The following GPR32 variants were observed in gnomAD, a reference collection of about 807,000 sequenced individuals.
GPR32 encodes the protein probable G protein-coupled receptor 32.
For synonymous variants in GPR32, 215 were observed against 195.3 expected (o/e 1.10, Z -0.84); for missense variants, 433 against 454.1 (o/e 0.95, Z 0.42).
At position 50,770,647 on chromosome 19, in the gene GPR32, C is replaced by A. The variant is rs374490694; in HGVS notation, c.47C>A (p.Pro16His). 2.5e-6 allele frequency: 4 copies of A among 1,611,900 alleles called. No individual in the cohort carries two copies. The highest frequency in any genetic ancestry group is 3.4e-6 in the Non-Finnish European group (4 of 1,178,810). The part of the protein sequence containing the change: ...EGTRGCSDRQ[P>H]GVLTRDRSCS... ...ACCAGAGGCTGCAGTGACAGGCAAC[C>A]TGGGGTCCTGACACGTGATCGCTCT... Residue 16 changes from proline to histidine, a missense_variant, in exon 1 of 1, where the codon CCT (proline) becomes CAT (histidine). Coordinates refer to ENST00000270590, the MANE Select transcript of GPR32 (RefSeq NM_001506.2).
rs192426883 is a variant in GPR32, at chr19:50,770,629, G to C, written c.29G>C (p.Gly10Ala). ...AATGGGGTCTCGGAGGGGACCAGAG[G>C]CTGCAGTGACAGGCAACCTGGGGTC... The part of the protein sequence containing the change: MNGVSEGTR[G>A]CSDRQPGVLT... Residue 10 changes from glycine to alanine, a missense_variant, in exon 1 of 1, where the codon GGC becomes GCC. Gly to Ala is a moderately conservative substitution (Grantham distance 60, BLOSUM62 0). Transcript: ENST00000270590. 2.3e-4 allele frequency: 362 copies of C among 1,607,308 alleles called. 1 individual carries two copies. The East Asian group carries it at 6.6e-3, about 29-fold the overall frequency.
In GPR32 at chr19:50,770,837, C is replaced by G; in HGVS notation, c.237C>G (p.Val79=). 1.2e-6 allele frequency: 2 copies of G among 1,614,218 alleles called. No individual in the cohort carries two copies. The highest frequency in any genetic ancestry group is 1.7e-6 in the Non-Finnish European group (2 of 1,180,040). The part of the protein sequence containing the change: ...VFRMARTVST[V]CFFHLALADF... ...GTATGGCACGCACGGTCTCCACCGT[C>G]TGCTTCTTCCACCTGGCCCTTGCCG... Residue 79 remains valine (V), a synonymous_variant, in exon 1 of 1, where the codon GTC becomes GTG. Transcript: ENST00000270590.
Position 50,770,950 on chromosome 19 carries a change from A to G in GPR32, c.350A>G (p.Tyr117Cys), listed in dbSNP as rs1022493915. 5 of 1,613,736 alleles carry G rather than the reference A, an allele frequency of 3.1e-6. No individual in the cohort carries two copies. The highest frequency in any genetic ancestry group is 3.3e-5 in the Admixed American group (2 of 59,982). ...CTCGGAGAGTGGGCCTGCAAACTCT[A>G]CATCACCTTTGTGTTCCTCAGCTAC... ...WLLGEWACKL[Y>C]ITFVFLSYFA... is the part of the protein sequence containing the mutation. Residue 117 changes from tyrosine (Y) to cysteine (C), a missense_variant, in exon 1 of 1, where the codon TAC becomes TGC. Tyr to Cys is a radical substitution (Grantham distance 194). Coordinates refer to ENST00000270590, the MANE Select transcript of GPR32 (RefSeq NM_001506.2).
rs1368363576 is a variant in GPR32, at chr19:50,771,223, G to T, written c.623G>T (p.Gly208Val). Reference sequence around the variant, plus strand: ...GAGACTGCCCAGATTTGGATTGAAGGGGTCGTGGAGGGACACATTATAGGG... The same window carrying T: ...GAGACTGCCCAGATTTGGATTGAAGTGGTCGTGGAGGGACACATTATAGGG... ...DNETAQIWIE[G>V]VVEGHIIGTI... Residue 208 changes from glycine (G) to valine (V), a missense_variant, in exon 1 of 1, where the codon GGG (glycine) becomes GTG (valine). Physicochemically the swap from Gly to Val is moderately radical, Grantham distance 109. Coordinates refer to ENST00000270590, the MANE Select transcript of GPR32 (RefSeq NM_001506.2). 9 of 1,614,052 alleles carry T rather than the reference G, an allele frequency of 5.6e-6. No homozygotes were observed. The African/African-American group carries it at 1.1e-4, about 19-fold the overall frequency.
chr19:50,771,395 C>G lies in GPR32; in HGVS notation c.795C>G (p.Phe265Leu). Residue 265 changes from phenylalanine to leucine, a missense_variant, in exon 1 of 1, where the codon TTC becomes TTG. Transcript: ENST00000270590. ...TGCTGCTGGTGCTGGTGAGCGCTTTCTTTATCTTCTGGTCCCCGTTTAACG... is the reference window on the plus strand; with the variant it reads ...TGCTGCTGGTGCTGGTGAGCGCTTTGTTTATCTTCTGGTCCCCGTTTAACG... ...KRLLLVLVSA[F>L]FIFWSPFNVV... The G allele has an allele frequency of 6.2e-7, 1 of 1,614,164 alleles. No individual in the cohort carries two copies.
At position 50,770,608 on chromosome 19, in the gene GPR32, G is replaced by C. The variant is rs753068041; in HGVS notation, c.8G>C (p.Gly3Ala). 6 of 1,559,524 alleles carry C rather than the reference G, an allele frequency of 3.8e-6. No individual in the cohort carries two copies. The South Asian group carries it at 7.1e-5, about 18-fold the overall frequency. Reference sequence around the variant, plus strand: ...TTATGGAATGGAGAAATCATGAATGGGGTCTCGGAGGGGACCAGAGGCTGC... The same window carrying C: ...TTATGGAATGGAGAAATCATGAATGCGGTCTCGGAGGGGACCAGAGGCTGC... The part of the protein sequence containing the change: MN[G>A]VSEGTRGCSD... The change falls in exon 1 of 1, where the codon GGG (glycine) becomes GCG (alanine). Residue 3 changes from glycine to alanine, a missense_variant. Gly to Ala is a moderately conservative substitution (Grantham distance 60, BLOSUM62 0). Coordinates refer to ENST00000270590, the MANE Select transcript of GPR32 (RefSeq NM_001506.2).
At position 50,771,128 on chromosome 19, in the gene GPR32, C is replaced by T. The variant is rs776735882; in HGVS notation, c.528C>T (p.His176=). The T allele has an allele frequency of 6.2e-7, 1 of 1,614,102 alleles. No homozygotes were observed. The highest frequency in any genetic ancestry group is 8.5e-7 in the Non-Finnish European group (1 of 1,180,058). The change falls in exon 1 of 1, where the codon CAC becomes CAT. Residue 176 remains histidine (H), a synonymous_variant. Coordinates refer to ENST00000270590, the MANE Select transcript of GPR32 (RefSeq NM_001506.2). ...WLLAAALCSA[H]LKFRTTRKWN... is the part of the protein sequence containing the mutation. ...TGGCCGCCGCCTTGTGCTCTGCGCACCTGAAATTCCGGACAACCAGAAAAT... is the reference window on the plus strand; with the variant it reads ...TGGCCGCCGCCTTGTGCTCTGCGCATCTGAAATTCCGGACAACCAGAAAAT...
At position 50,770,556 on chromosome 19, in the gene GPR32, A is replaced by G; in HGVS notation, c.-45A>G. 7.9e-7 allele frequency: 1 copy of G among 1,259,118 alleles called. No individual in the cohort carries two copies. The highest frequency in any genetic ancestry group is 1.1e-6 in the Non-Finnish European group (1 of 909,424). 78.0% of individuals were successfully genotyped at this position (1,259,118 alleles called of 1,614,324 possible). The stretch of plus-strand genomic sequence containing the variant: ...AGAGCATGACGCTGTCTCTAAAAGA[A>G]TAATAATAATAAGCATTCCATAAAA... On this transcript the variant is annotated 5_prime_UTR_variant, in exon 1 of 1. Coordinates refer to ENST00000270590, the MANE Select transcript of GPR32 (RefSeq NM_001506.2).
At position 50,770,824 on chromosome 19, in the gene GPR32, C is replaced by T. The variant is rs778498523; in HGVS notation, c.224C>T (p.Thr75Met). Reference protein sequence around the residue: ...LWMTVFRMARTVSTVCFFHLA... With the variant: ...LWMTVFRMARMVSTVCFFHLA... ...ATGACTGTCTTCCGTATGGCACGCA[C>T]GGTCTCCACCGTCTGCTTCTTCCAC... Residue 75 changes from threonine to methionine, a missense_variant, in exon 1 of 1, where the codon ACG (threonine) becomes ATG (methionine). Thr to Met is a moderately conservative substitution (Grantham distance 81). Transcript: ENST00000270590. The T allele has an allele frequency of 1.9e-6, 3 of 1,614,148 alleles. No homozygotes were observed. The highest frequency in any genetic ancestry group is 2.2e-5 in the South Asian group (2 of 91,064).
chr19:50,771,613 C>G lies in GPR32; in HGVS notation c.1013C>G (p.Ala338Gly), dbSNP rs750570773. 1 of 1,613,982 alleles carries G rather than the reference C, an allele frequency of 6.2e-7. No homozygotes were observed. The highest frequency in any genetic ancestry group is 8.5e-7 in the Non-Finnish European group (1 of 1,179,996). Residue 338 changes from alanine (A) to glycine (G), a missense_variant, in exon 1 of 1, where the codon GCG becomes GGG. Ala to Gly is a moderately conservative substitution (Grantham distance 60). Transcript: ENST00000270590. ...TCTTTGACTTCTGCCCTGGCGAGGG[C>G]GTTTGGAGAGGAGGAGTTTCTGTCA... ...FQSLTSALAR[A>G]FGEEEFLSSC...
Position 50,771,038 on chromosome 19 carries a change from C to A in GPR32, c.438C>A (p.Pro146=), listed in dbSNP as rs143841096. Residue 146 remains proline, a synonymous_variant, in exon 1 of 1, where the codon CCC becomes CCA. Transcript: ENST00000270590. ...SVDRCISVLY[P]VWALNHRTVQ... ...ACCGTTGCATCTCTGTCCTCTACCC[C>A]GTCTGGGCCCTGAACCACCGCACTG... 3 of 1,614,030 alleles carry A rather than the reference C, an allele frequency of 1.9e-6. No homozygotes were observed. The highest frequency in any genetic ancestry group is 2.5e-6 in the Non-Finnish European group (3 of 1,180,044).
chr19:50,770,684 G>T lies in GPR32; in HGVS notation c.84G>T (p.Lys28Asn), dbSNP rs774033486. The T allele has an allele frequency of 6.2e-7, 1 of 1,614,038 alleles. No homozygotes were observed. The highest frequency in any genetic ancestry group is 1.3e-5 in the African/African-American group (1 of 74,934). The change falls in exon 1 of 1, where the codon AAG (lysine) becomes AAT (asparagine). Residue 28 changes from lysine to asparagine, a missense_variant. By Grantham distance (94) the Lys-to-Asn change is moderately conservative. Transcript: ENST00000270590. ...VLTRDRSCSRKMNSSGCLSEE... is the reference protein window; with the variant it reads ...VLTRDRSCSRNMNSSGCLSEE... ...CACGTGATCGCTCTTGTTCCAGGAA[G>T]ATGAACTCTTCCGGATGCCTGTCTG...
chr19:50,771,351 G>A lies in GPR32; in HGVS notation c.751G>A (p.Ala251Thr). ...AKLLREGWVH[A>T]NRPKRLLLVL... The stretch of plus-strand genomic sequence containing the variant: ...GCTCTTGCGGGAGGGCTGGGTCCAT[G>A]CCAACCGGCCCAAGAGGCTGCTGCT... Residue 251 changes from alanine to threonine, a missense_variant, in exon 1 of 1, where the codon GCC becomes ACC. By Grantham distance (58) the Ala-to-Thr change is moderately conservative (BLOSUM62 0). Transcript: ENST00000270590. 1 of 1,614,164 alleles carries A rather than the reference G, an allele frequency of 6.2e-7. No homozygotes were observed. The highest frequency in any genetic ancestry group is 8.5e-7 in the Non-Finnish European group (1 of 1,180,040).
At position 50,770,727 on chromosome 19, in the gene GPR32, C is replaced by T. The variant is rs747829098; in HGVS notation, c.127C>T (p.Arg43Cys). Residue 43 changes from arginine (R) to cysteine (C), a missense_variant, in exon 1 of 1, where the codon CGC becomes TGC. By Grantham distance (180) the Arg-to-Cys change is radical (BLOSUM62 -3). Coordinates refer to ENST00000270590, the MANE Select transcript of GPR32 (RefSeq NM_001506.2). ...GCLSEEVGSL[R>C]PLTVVILSAS... Reference sequence around the variant, plus strand: ...CCTGTCTGAGGAGGTGGGGTCCCTCCGCCCACTGACTGTGGTTATCCTGTC... The same window carrying T: ...CCTGTCTGAGGAGGTGGGGTCCCTCTGCCCACTGACTGTGGTTATCCTGTC... 2.5e-6 allele frequency: 4 copies of T among 1,614,026 alleles called. No individual in the cohort carries two copies. The highest frequency in any genetic ancestry group is 1.3e-5 in the African/African-American group (1 of 74,998).
chr19:50,770,744 T>A lies in GPR32; in HGVS notation c.144T>A (p.Val48=). 3 of 1,614,054 alleles carry A rather than the reference T, an allele frequency of 1.9e-6. No homozygotes were observed. Among genetic ancestry groups the A allele is most frequent in the Non-Finnish European group, 1.7e-6 (2 of 1,179,998 alleles). The change falls in exon 1 of 1, where the codon GTT becomes GTA. Residue 48 remains valine, a synonymous_variant. Transcript: ENST00000270590. ...GGTCCCTCCGCCCACTGACTGTGGTTATCCTGTCTGCGTCCATTGTCGTCG... is the reference window on the plus strand; with the variant it reads ...GGTCCCTCCGCCCACTGACTGTGGTAATCCTGTCTGCGTCCATTGTCGTCG... ...EVGSLRPLTV[V]ILSASIVVGV... is the part of the protein sequence containing the mutation.
Position 50,771,536 on chromosome 19 carries a change from C to A in GPR32, c.936C>A (p.Asn312Lys), listed in dbSNP as rs572660427. 1 of 1,614,196 alleles carries A rather than the reference C, an allele frequency of 6.2e-7. No homozygotes were observed. The highest frequency in any genetic ancestry group is 2.2e-5 in the East Asian group (1 of 44,886). Residue 312 changes from asparagine to lysine, a missense_variant, in exon 1 of 1, where the codon AAC becomes AAA. Transcript: ENST00000270590. ...FALGCVNSSL[N>K]PFLYVFVGRD... is the part of the protein sequence containing the mutation. ...TGGGCTGTGTCAACAGCAGCCTCAA[C>A]CCCTTCCTCTACGTCTTCGTTGGCA...
chr19:50,771,526 G>A lies in GPR32; in HGVS notation c.926G>A (p.Ser309Asn), dbSNP rs770433857. 1.9e-5 allele frequency: 31 copies of A among 1,614,084 alleles called. No homozygotes were observed. The highest frequency in any genetic ancestry group is 1.1e-4 in the East Asian group (5 of 44,890). Reference sequence around the variant, plus strand: ...AGCTTTGCCTTGGGCTGTGTCAACAGCAGCCTCAACCCCTTCCTCTACGTC... The same window carrying A: ...AGCTTTGCCTTGGGCTGTGTCAACAACAGCCTCAACCCCTTCCTCTACGTC... ...QASFALGCVN[S>N]SLNPFLYVFV... The change falls in exon 1 of 1, where the codon AGC (serine) becomes AAC (asparagine). Residue 309 changes from serine (S) to asparagine (N), a missense_variant. By Grantham distance (46) the Ser-to-Asn change is conservative (BLOSUM62 1). Transcript: ENST00000270590.
chr19:50,771,637 C>T lies in GPR32; in HGVS notation c.1037C>T (p.Ser346Leu), dbSNP rs2089401580. The change falls in exon 1 of 1, where the codon TCA (serine) becomes TTA (leucine). Residue 346 changes from serine to leucine, a missense_variant. Transcript: ENST00000270590. ...GCGTTTGGAGAGGAGGAGTTTCTGT[C>T]ATCCTGTCCCCGTGGCAACGCCCCC... ...ARAFGEEEFL[S>L]SCPRGNAPRE The T allele has an allele frequency of 6.2e-7, 1 of 1,613,276 alleles. No individual in the cohort carries two copies. The highest frequency in any genetic ancestry group is 8.5e-7 in the Non-Finnish European group (1 of 1,179,840).
chr19:50,771,309 C>T lies in GPR32; in HGVS notation c.709C>T (p.His237Tyr), dbSNP rs761574899. Residue 237 changes from histidine to tyrosine, a missense_variant, in exon 1 of 1, where the codon CAC becomes TAC. Transcript: ENST00000270590. ...CTTAGCAATCATAGGCACCTGCGCC[C>T]ACCTCATCCGGGCCAAGCTCTTGCG... ...GPLAIIGTCA[H>Y]LIRAKLLREG... The T allele has an allele frequency of 6.2e-7, 1 of 1,614,154 alleles. No individual in the cohort carries two copies.
Sources: gnomAD v4.1 joint callset for allele counts on GRCh38, gnomAD v4.1.1 for gene constraint, MANE v1.5 for transcripts, NCBI Gene and HGNC (gene_info 2026-07-23, HGNC 2026-07-21) for gene names.